Variants in SEMA5B observed in about 807,000 individuals in gnomAD.
SEMA5B encodes semaphorin 5B, also known as semaphorin-5B.
Under a neutral mutation model 135.0 loss-of-function variants are expected in SEMA5B, and 66 were observed. That is an observed-to-expected ratio of 0.49 (90% CI 0.40 to 0.60). The LOEUF (loss-of-function observed/expected upper bound fraction) is 0.60, where lower values mean the gene tolerates loss of function less well. Ranked by LOEUF, SEMA5B falls within the 20% of genes least tolerant of loss-of-function variation. SEMA5B has a pLI of 0.00. For synonymous variants in SEMA5B, 690 were observed against 639.5 expected, an observed-to-expected ratio of 1.08 and a Z score of -1.19; for missense variants, 1,501 against 1,566.3, an observed-to-expected ratio of 0.96 and a Z score of 0.70.
At chr3:122,925,255 C>T (rs192691293) in intron 9 of SEMA5B, among the ~76,000 whole-genome samples, 2 of 152,226 alleles carry the variant, frequency 1.3e-5, no homozygotes, top group East Asian at 1.9e-4. Flanking sequence ...CGGTGCCCAC[C>T]CATCACTGTC....
chr3:122,963,193 A>G (rs574554979), intron 1 of SEMA5B, among the ~76,000 whole-genome samples: 7 of 152,238 alleles, frequency 4.6e-5, no homozygotes, highest in African/African-American at 7.2e-5. Context: ...CTCTAAAGTT[A>G]TTAGAGATAA....
intron 1 of SEMA5B, among the ~76,000 whole-genome samples, chr3:122,985,897 A>G (rs1941682607): frequency 6.6e-6 from 1 of 152,240 alleles, no homozygotes; most frequent in Non-Finnish European, 1.5e-5. Context: ...AAGAGAGAGA[A>G]GCTTGTCCCA....
At chr3:122,980,654 G>A (rs1941496046) in intron 1 of SEMA5B, among the ~76,000 whole-genome samples, 1 of 152,056 alleles carries the variant, frequency 6.6e-6, no homozygotes, top group African/African-American at 2.4e-5. Flanking sequence ...TTTTATTGTG[G>A]TGAAGTATCC....
chr3:122,914,073 G>C, intron 14 of SEMA5B, 72 bp from the exon 15 acceptor site: 1 of 1,454,374 alleles, frequency 6.9e-7, no homozygotes, highest in Non-Finnish European at 9.1e-7. Flanking sequence ...TCTGTCTCTG[G>C]GCCGATGTAT....
intron 1 of SEMA5B, among the ~76,000 whole-genome samples, chr3:122,982,937 C>G (rs1941568058): frequency 6.6e-6 from 1 of 152,172 alleles, no homozygotes; most frequent in Non-Finnish European, 1.5e-5. Context: ...TTCTCTCTTT[C>G]GAGAGTCACT....
At chr3:122,928,757 G>A (rs1248717639) in intron 6 of SEMA5B, 142 bp from the exon 7 acceptor site, 3 of 748,858 alleles carry the variant, frequency 4.0e-6, no homozygotes, top group Middle Eastern at 2.6e-4. Flanking sequence ...CCCGACGTCC[G>A]GGTCACGTCT....
Position 122,961,173 on chromosome 3 carries a change from T to A in SEMA5B, c.91A>T (p.Thr31Ser). The A allele has an allele frequency of 6.2e-7, 1 of 1,613,514 alleles. No individual in the cohort carries two copies. The highest frequency in any genetic ancestry group is 8.5e-7 in the Non-Finnish European group (1 of 1,179,636). Residue 31 changes from threonine (T) to serine (S), a missense_variant, in exon 2 of 23, where the codon ACA (threonine) becomes TCA (serine). By Grantham distance (58) the Thr-to-Ser change is moderately conservative. This residue lies in a region of SEMA5B where 574 missense variants were observed against 684.7 expected (regional missense o/e 0.84). Coordinates refer to ENST00000357599, the MANE Select transcript of SEMA5B (RefSeq NM_001031702.4). ...TPAQQLRCGWTVGGWLLSLVR... is the reference protein window; with the variant it reads ...TPAQQLRCGWSVGGWLLSLVR... ...AGTGAGAGAAGCCAGCCCCCTACTGTCCATCCACACCTTAGCTGTTGGGCT... is the reference window on the plus strand; with the variant it reads ...AGTGAGAGAAGCCAGCCCCCTACTGACCATCCACACCTTAGCTGTTGGGCT...
intron 1 of SEMA5B, among the ~76,000 whole-genome samples, chr3:123,025,023 C>T (rs1187916165): frequency 6.6e-6 from 1 of 152,184 alleles, no homozygotes; most frequent in East Asian, 1.9e-4. Context: ...TAAGAAGTGA[C>T]CACTGTAGGG....
At chr3:122,929,479 G>A (rs911382878) in intron 5 of SEMA5B, among the ~76,000 whole-genome samples, 3 of 152,218 alleles carry the variant, frequency 2.0e-5, no homozygotes, top group Non-Finnish European at 4.4e-5. Flanking sequence ...GGCAGGAAGG[G>A]AGAAAAGATT....
At chr3:122,974,215 C>A (rs1941231598) in intron 1 of SEMA5B, among the ~76,000 whole-genome samples, 3 of 152,334 alleles carry the variant, frequency 2.0e-5, no homozygotes, top group African/African-American at 7.2e-5. Context: ...CAGCACAAAC[C>A]CACTGTCCAG....
chr3:122,980,548 G>C (rs1178809106), intron 1 of SEMA5B, among the ~76,000 whole-genome samples: 1 of 151,944 alleles, frequency 6.6e-6, no homozygotes, highest in African/African-American at 2.4e-5. Context: ...AGCTTCCCTG[G>C]AGAGCTTGAA....
At chr3:123,005,096 C>T (rs1283915698) in intron 1 of SEMA5B, among the ~76,000 whole-genome samples, 1 of 152,144 alleles carries the variant, frequency 6.6e-6, no homozygotes, top group Non-Finnish European at 1.5e-5. Flanking sequence ...GCACTCACTC[C>T]TTCTAGGGAT....
At chr3:122,928,372 C>T (rs866061562) in intron 7 of SEMA5B, 145 bp downstream of exon 7, 3 of 609,784 alleles carry the variant, frequency 4.9e-6, no homozygotes, top group South Asian at 2.1e-5. Context: ...TTTATCTGAA[C>T]TCCAAATCTA....
At chr3:122,914,462 T>A (rs1325552471) in intron 14 of SEMA5B, among the ~76,000 whole-genome samples, 1 of 152,230 alleles carries the variant, frequency 6.6e-6, no homozygotes, top group Non-Finnish European at 1.5e-5. Flanking sequence ...CTGACGCCAA[T>A]TTTCAAATCT....
At chr3:122,993,518 G>A (rs1355253384) in intron 1 of SEMA5B, among the ~76,000 whole-genome samples, 1 of 152,192 alleles carries the variant, frequency 6.6e-6, no homozygotes, top group African/African-American at 2.4e-5. Context: ...AGACAGCGAG[G>A]AAGAGAAAGA....
intron 1 of SEMA5B, among the ~76,000 whole-genome samples, chr3:123,009,785 G>A (rs960344913): frequency 2.6e-5 from 4 of 152,252 alleles, no homozygotes; most frequent in Non-Finnish European, 2.9e-5. Flanking sequence ...AGATATAGGA[G>A]GGGAAAACTG....
Position 122,913,437 on chromosome 3 carries a change from G to A in SEMA5B, c.2281-13C>T. On this transcript the variant is annotated splice_polypyrimidine_tract_variant and intron_variant, in intron 16 of 22. Coordinates refer to ENST00000357599, the MANE Select transcript of SEMA5B (RefSeq NM_001031702.4). ...ACGTCTTGAACTCCTGCGGGTGGCG[G>A]CAGAGGCAGCTTTAGAACCCCACGG... 6.4e-7 allele frequency: 1 copy of A among 1,559,178 alleles called. No individual in the cohort carries two copies. Among genetic ancestry groups the A allele is most frequent in the Non-Finnish European group, 8.6e-7 (1 of 1,156,218 alleles).
At chr3:122,915,296 T>C in intron 14 of SEMA5B, 144 bp downstream of exon 14, 1 of 697,954 alleles carries the variant, frequency 1.4e-6, no homozygotes, top group Non-Finnish European at 2.3e-6. Flanking sequence ...CTGCCTCAGA[T>C]ATTAGCCACC....
chr3:123,009,525 A>ATGTGTGTC (rs2107788557), intron 1 of SEMA5B, among the ~76,000 whole-genome samples: 1 of 147,154 alleles, frequency 6.8e-6, no homozygotes, highest in East Asian at 2.0e-4. Context: ...GTGTGTGTGT[A>ATGTGTGTC]TGTGTGTCTG....
Sources: gnomAD v4.1 joint callset for allele counts (sites outside exome capture counted in the v4.1 genomes callset) on GRCh38, gnomAD v4.1.1 for gene constraint, gnomAD v4.1.1 regional missense constraint, MANE v1.5 for transcripts, NCBI Gene and HGNC (gene_info 2026-07-23, HGNC 2026-07-21) for gene names.